The following LRRC4C variants were observed in gnomAD, a reference collection of about 807,000 sequenced individuals.
LRRC4C encodes the protein leucine rich repeat containing 4C, also known as leucine-rich repeat-containing protein 4C.
A neutral mutation model predicts 33.6 loss-of-function variants in LRRC4C; 5 were observed. The ratio of observed to expected loss-of-function variants is 0.15; its 90% CI spans 0.08 to 0.31. The LOEUF is 0.31. LRRC4C is among the 10% of genes least tolerant of loss of function. The pLI is 1.00. For synonymous variants in LRRC4C, 329 were observed against 302.0 expected (o/e 1.09, Z -0.93); for missense variants, 560 against 796.7 (o/e 0.70, Z 3.58).
At chr11:41,193,292 G>C (rs891795039) in intron 1 of LRRC4C, among the ~76,000 whole-genome samples, 1 of 152,090 alleles carries the variant, frequency 6.6e-6, no homozygotes, top group Non-Finnish European at 1.5e-5. Flanking sequence ...GAAGGAATCA[G>C]AGTCATCTAC....
In LRRC4C at chr11:41,149,323, C is replaced by T. The variant is rs1479938230; in HGVS notation, c.-495-215600G>A. Among the ~76,000 whole-genome samples, 3 of 151,618 alleles carry T rather than the reference C, an allele frequency of 2.0e-5. No individual in the cohort carries two copies. The East Asian group carries it at 5.8e-4, about 30-fold the overall frequency. Reference sequence around the variant, plus strand: ...GATCGAGACCATCCCGGCTAAAAAACGGTGAAACCCCGTCTCTACTAGAAA... The same window carrying T: ...GATCGAGACCATCCCGGCTAAAAAATGGTGAAACCCCGTCTCTACTAGAAA... On this transcript the variant is annotated intron_variant, in intron 1 of 6. Coordinates refer to ENST00000528697, the MANE Select transcript of LRRC4C (RefSeq NM_001258419.2).
intron 1 of LRRC4C, among the ~76,000 whole-genome samples, chr11:41,044,747 AT>A (rs1265348038): frequency 6.6e-6 from 1 of 152,158 alleles, no homozygotes; most frequent in Non-Finnish European, 1.5e-5. Context: ...GTCTTCAAAA[AT>A]CCCCTCCCTG....
intron 2 of LRRC4C, among the ~76,000 whole-genome samples, chr11:40,785,640 C>T (rs1950384030): frequency 1.3e-5 from 2 of 152,138 alleles, no homozygotes; most frequent in African/African-American, 4.8e-5. Context: ...AACAGTATAT[C>T]CACTATCCTT....
At chr11:40,592,891 T>C (rs1959123415) in intron 3 of LRRC4C, among the ~76,000 whole-genome samples, 1 of 152,210 alleles carries the variant, frequency 6.6e-6, no homozygotes, top group African/African-American at 2.4e-5. Flanking sequence ...CACTTCAGGA[T>C]ATTCTTTCTC....
chr11:40,334,004 G>T (rs1277090031), intron 3 of LRRC4C, among the ~76,000 whole-genome samples: 2 of 152,132 alleles, frequency 1.3e-5, no homozygotes, highest in Admixed American at 6.5e-5. Flanking sequence ...ATACATCACT[G>T]TCTGCTGACT....
At chr11:41,182,155 G>A (rs1200635117) in intron 1 of LRRC4C, among the ~76,000 whole-genome samples, 1 of 152,168 alleles carries the variant, frequency 6.6e-6, no homozygotes, top group Admixed American at 6.5e-5. Context: ...CCAGGGAGAT[G>A]AAAATAGCAT....
At chr11:40,889,586 C>T (rs533663646) in intron 2 of LRRC4C, among the ~76,000 whole-genome samples, 6 of 152,078 alleles carry the variant, frequency 3.9e-5, no homozygotes, top group African/African-American at 7.2e-5. Flanking sequence ...TGCTATATAA[C>T]GTGCATTATT....
intron 4 of LRRC4C, among the ~76,000 whole-genome samples, chr11:40,281,949 A>G (rs968819643): frequency 3.9e-5 from 6 of 152,162 alleles, no homozygotes; most frequent in Admixed American, 2.6e-4. Flanking sequence ...TACATTCCCA[A>G]TGTGACTTGG....
At chr11:40,722,558 T>A in intron 2 of LRRC4C, among the ~76,000 whole-genome samples, 1 of 152,068 alleles carries the variant, frequency 6.6e-6, no homozygotes. Flanking sequence ...TACACTGCAG[T>A]CAAACACTCG....
intron 2 of LRRC4C, among the ~76,000 whole-genome samples, chr11:40,808,806 T>G (rs1951357850): frequency 6.6e-6 from 1 of 152,212 alleles, no homozygotes; most frequent in South Asian, 2.1e-4. Flanking sequence ...TCTCTCTGAC[T>G]AAACAGAGGA....
intron 1 of LRRC4C, among the ~76,000 whole-genome samples, chr11:41,185,504 A>T (rs1945654220): frequency 6.6e-6 from 1 of 152,202 alleles, no homozygotes; most frequent in African/African-American, 2.4e-5. Flanking sequence ...TTGCATGTAT[A>T]ACCTCACCCT....
chr11:40,175,794 T>C (rs1860433009), intron 5 of LRRC4C, among the ~76,000 whole-genome samples: 1 of 152,200 alleles, frequency 6.6e-6, no homozygotes, highest in African/African-American at 2.4e-5. Flanking sequence ...CGTCTTCTGC[T>C]CTCCAATGGT....
At chr11:40,123,164 G>A (rs956495496) in intron 6 of LRRC4C, among the ~76,000 whole-genome samples, 13 of 151,990 alleles carry the variant, frequency 8.6e-5, no homozygotes, top group African/African-American at 3.1e-4. Context: ...CACTGTAGCA[G>A]CCATAGACAA....
intron 2 of LRRC4C, among the ~76,000 whole-genome samples, chr11:40,907,422 T>A (rs924076920): frequency 2.0e-5 from 3 of 151,958 alleles, no homozygotes; most frequent in African/African-American, 7.3e-5. Flanking sequence ...TTCAAGAGAG[T>A]GTCAAAATCA....
intron 1 of LRRC4C, among the ~76,000 whole-genome samples, chr11:41,196,807 A>G (rs1413006158): frequency 6.6e-6 from 1 of 151,986 alleles, no homozygotes; most frequent in Admixed American, 6.6e-5. Flanking sequence ...CTTTCAGGTC[A>G]GCTTCACCAG....
chr11:41,139,012 A>T (rs565041854), intron 1 of LRRC4C, among the ~76,000 whole-genome samples: 316 of 152,272 alleles, frequency 2.1e-3, no homozygotes, highest in African/African-American at 7.2e-3. Flanking sequence ...GCTATTTGGG[A>T]CTAATTTGTT....
chr11:40,910,926 C>T (rs577865568), intron 2 of LRRC4C, among the ~76,000 whole-genome samples: 15 of 152,322 alleles, frequency 9.8e-5, no homozygotes, highest in East Asian at 7.7e-4. Flanking sequence ...GAGGGTCCTA[C>T]GCCCATGGAG....
chr11:40,683,170 C>T (rs576819873), intron 2 of LRRC4C, among the ~76,000 whole-genome samples: 4 of 152,184 alleles, frequency 2.6e-5, no homozygotes, highest in Non-Finnish European at 4.4e-5. Flanking sequence ...AGGCTTGATG[C>T]GAAGGTGGTG....
intron 2 of LRRC4C, among the ~76,000 whole-genome samples, chr11:40,772,206 A>T (rs1949788425): frequency 6.6e-6 from 1 of 152,168 alleles, no homozygotes; most frequent in South Asian, 2.1e-4. Flanking sequence ...AAGCAAACAC[A>T]TCCTTTTCAC....
Sources: allele counts gnomAD v4.1 joint callset (sites outside exome capture counted in the v4.1 genomes callset), GRCh38; gene constraint gnomAD v4.1.1; transcripts MANE v1.5; gene names NCBI Gene and HGNC (gene_info 2026-07-23, HGNC 2026-07-21).